TAFA5: variants seen among roughly 807,000 people sequenced by gnomAD.
TAFA5 encodes TAFA chemokine like family member 5, also known as chemokine-like protein TAFA-5.
In TAFA5, 6 loss-of-function variants were observed where a neutral mutation model predicts 15.3. The ratio of observed to expected loss-of-function variants is 0.39; its 90% CI spans 0.21 to 0.77. TAFA5 has a LOEUF of 0.77. Ranked by LOEUF, TAFA5 falls within the 30% of genes least tolerant of loss-of-function variation. TAFA5 has a pLI of 0.41. For synonymous variants in TAFA5, 103 were observed against 80.7 expected, an observed-to-expected ratio of 1.28 and a Z score of -1.48; for missense variants, 161 against 193.1, an observed-to-expected ratio of 0.83 and a Z score of 0.98.
At chr22:48,644,705 C>T (rs1455585263) in intron 1 of TAFA5, among the ~76,000 whole-genome samples, 2 of 152,124 alleles carry the variant, frequency 1.3e-5, no homozygotes, top group Non-Finnish European at 1.5e-5. Context: ...GAGGAGGGGC[C>T]GTCTAAGGTT....
In TAFA5 at chr22:48,530,845, C is replaced by T. The variant is rs984393737; in HGVS notation, c.112+41141C>T. ...CCCCAGTGCGTGTGGCTATGGGCTT[C>T]GACAAAGCAGGGGAGAAATGTCCCT... On this transcript the variant is annotated intron_variant, in intron 1 of 3. Coordinates refer to ENST00000402357, the MANE Select transcript of TAFA5 (RefSeq NM_001082967.3). The surrounding 1 kb of genome is among the most constrained non-coding windows in gnomAD (Gnocchi z 6.0). Among the ~76,000 whole-genome samples, 2 of 152,088 alleles carry T rather than the reference C, an allele frequency of 1.3e-5. No individual in the cohort carries two copies. Among genetic ancestry groups the T allele is most frequent in the Non-Finnish European group, 1.5e-5 (1 of 68,018 alleles).
chr22:48,516,598 G>C (rs944888129), intron 1 of TAFA5, among the ~76,000 whole-genome samples: 3 of 152,260 alleles, frequency 2.0e-5, no homozygotes, highest in African/African-American at 4.8e-5. Context: ...GAACGTTGCA[G>C]GGTGAAGCCA....
At chr22:48,510,703 G>A (rs184512015) in intron 1 of TAFA5, among the ~76,000 whole-genome samples, 52 of 152,248 alleles carry the variant, frequency 3.4e-4, no homozygotes, top group African/African-American at 1.2e-3. Context: ...ATGCTCCCCT[G>A]GCTTCCCTCC....
chr22:48,654,113 G>A (rs1034299940), intron 2 of TAFA5, among the ~76,000 whole-genome samples: 2 of 152,138 alleles, frequency 1.3e-5, no homozygotes, highest in African/African-American at 4.8e-5. Context: ...CGTTGGCGCC[G>A]CGGCTCTGGA....
intron 1 of TAFA5, among the ~76,000 whole-genome samples, chr22:48,537,225 A>AGGG (rs1922199995): frequency 2.8e-4 from 42 of 149,902 alleles, no homozygotes; most frequent in Non-Finnish European, 3.1e-4. Context: ...AGGGTGGGGC[A>AGGG]GGGGAGGCCG....
chr22:48,626,552 G>A (rs551010692), intron 1 of TAFA5, among the ~76,000 whole-genome samples: 1 of 152,294 alleles, frequency 6.6e-6, no homozygotes, highest in African/African-American at 2.4e-5. Context: ...GTATTGTTCA[G>A]CTTAAAGGTT....
intron 1 of TAFA5, among the ~76,000 whole-genome samples, chr22:48,580,357 T>G (rs1353821269): frequency 6.6e-6 from 1 of 152,214 alleles, no homozygotes; most frequent in Non-Finnish European, 1.5e-5. Context: ...CAATGCAGAG[T>G]GTTCGTCTAT....
intron 1 of TAFA5, among the ~76,000 whole-genome samples, chr22:48,546,276 C>T (rs145410098): frequency 3.3e-5 from 5 of 152,342 alleles, no homozygotes; most frequent in Non-Finnish European, 7.3e-5. Flanking sequence ...GCTCCCATGC[C>T]GGCGTGCGCT....
intron 3 of TAFA5, among the ~76,000 whole-genome samples, chr22:48,713,283 G>A (rs149081689): frequency 1.8e-4 from 27 of 152,348 alleles, no homozygotes; most frequent in Non-Finnish European, 2.8e-4. Context: ...ACGTGCAGAC[G>A]GCAGCTGCCG....
At chr22:48,538,574 C>T (rs1328816291) in intron 1 of TAFA5, among the ~76,000 whole-genome samples, 1 of 152,256 alleles carries the variant, frequency 6.6e-6, no homozygotes, top group Non-Finnish European at 1.5e-5. Context: ...CTGTGGCCCA[C>T]AGCAGGGAGC....
intron 1 of TAFA5, among the ~76,000 whole-genome samples, chr22:48,522,042 A>G (rs1921619968): frequency 6.6e-6 from 1 of 152,252 alleles, no homozygotes; most frequent in Non-Finnish European, 1.5e-5. Context: ...CTTATTCCTT[A>G]GGATAGGTAT....
Position 48,539,011 on chromosome 22 carries a change from C to T in TAFA5, c.112+49307C>T, listed in dbSNP as rs143375379. On this transcript the variant is annotated intron_variant, in intron 1 of 3. Transcript: ENST00000402357. ...CGTATTTGTCGGGGGGATACATAGT[C>T]GTTTTTGTAAACCAATGGGATGTGA... 241 of 193,900 alleles carry T rather than the reference C, an allele frequency of 1.2e-3. 3 individuals carry two copies. In the East Asian group the frequency reaches 0.023, roughly 18 times the overall value. The allele number at this position is 193,900 out of a possible 1,614,324, so 12.0% of individuals were successfully genotyped here.
chr22:48,707,583 G>C lies in TAFA5; in HGVS notation c.263-134G>C, dbSNP rs1447612849. On this transcript the variant is annotated intron_variant, in intron 2 of 3. Transcript: ENST00000402357. ...CCCTGGGCCCAGTGTCCCTGTGTGA[G>C]GGTCCCTGGGTGGAGCCACGCCGGG... The C allele has an allele frequency of 2.9e-6, 3 of 1,027,080 alleles. No individual in the cohort carries two copies. In the African/African-American group the frequency reaches 4.9e-5, roughly 17 times the overall value. The allele number at this position is 1,027,080 out of a possible 1,614,324, so 63.6% of individuals were successfully genotyped here.
Position 48,501,578 on chromosome 22 carries a change from G to A in TAFA5, c.112+11874G>A, listed in dbSNP as rs79354631. Among the ~76,000 whole-genome samples the A allele has an allele frequency of 2.8e-4, 43 of 152,318 alleles. No individual in the cohort carries two copies. In the East Asian group the frequency reaches 8.3e-3, roughly 30 times the overall value. ...GGTGCCCGGGGAGAGATAGAGGAGG[G>A]ATGAGGACACAGGTGGGAAGGGCTC... On this transcript the variant is annotated intron_variant, in intron 1 of 3. Transcript: ENST00000402357.
intron 3 of TAFA5, among the ~76,000 whole-genome samples, chr22:48,716,355 C>T (rs1929400633): frequency 6.6e-6 from 1 of 152,206 alleles, no homozygotes. Flanking sequence ...AGAATGAGTT[C>T]ATGCCCTTTG....
At chr22:48,576,349 G>A (rs1294336685) in intron 1 of TAFA5, 2 of 1,203,416 alleles carry the variant, frequency 1.7e-6, no homozygotes, top group Admixed American at 4.4e-5. Context: ...CAGTCGCGGC[G>A]GAGCGCGGCG....
At chr22:48,611,842 G>T (rs987873567) in intron 1 of TAFA5, among the ~76,000 whole-genome samples, 1 of 152,184 alleles carries the variant, frequency 6.6e-6, no homozygotes, top group East Asian at 1.9e-4. Flanking sequence ...CAGTGCCTGG[G>T]GTGTGAGCCT....
At chr22:48,746,543 C>T (rs931153107) in intron 3 of TAFA5, among the ~76,000 whole-genome samples, 6 of 152,202 alleles carry the variant, frequency 3.9e-5, no homozygotes, top group African/African-American at 1.4e-4. Flanking sequence ...TCTATTAGAT[C>T]TCTTCAAGCC....
intron 2 of TAFA5, among the ~76,000 whole-genome samples, chr22:48,700,585 C>T (rs191554951): frequency 0.01 from 1,508 of 147,566 alleles, 25 homozygotes; most frequent in African/African-American, 0.037. Flanking sequence ...TCTTCTCCCT[C>T]GGGAGTGGGG....
Sources: allele counts gnomAD v4.1 joint callset (sites outside exome capture counted in the v4.1 genomes callset), GRCh38; gene constraint gnomAD v4.1.1; non-coding constraint Gnocchi (gnomAD v3.1); transcripts MANE v1.5; gene names NCBI Gene and HGNC (gene_info 2026-07-23, HGNC 2026-07-21).